HECW1: variants seen among roughly 807,000 people sequenced by gnomAD.
The protein encoded by HECW1 is E3 ubiquitin-protein ligase HECW1.
Under a neutral mutation model 182.3 loss-of-function variants are expected in HECW1, and 61 were observed. The observed-to-expected ratio is 0.33, with a 90% CI of 0.27 to 0.41. The LOEUF (loss-of-function observed/expected upper bound fraction) is 0.41, where lower values mean the gene tolerates loss of function less well. HECW1 is among the 10% of genes least tolerant of loss of function. The pLI, the probability that HECW1 is intolerant of heterozygous loss-of-function variation, is 1.00. For missense variants in HECW1, 1,739 were observed against 2,108.9 expected, an observed-to-expected ratio of 0.82 and a Z score of 3.44; for synonymous variants, 859 against 832.6, an observed-to-expected ratio of 1.03 and a Z score of -0.55.
At chr7:43,214,960 T>A (rs1029481) in intron 2 of HECW1, among the ~76,000 whole-genome samples, 111,756 of 152,212 alleles carry the variant, frequency 0.73, 41,301 homozygotes, top group East Asian at 0.89. Flanking sequence ...CCCAGGACCC[T>A]GGCCAGGAAG....
chr7:43,134,747 A>T (rs1411607015), intron 2 of HECW1, among the ~76,000 whole-genome samples: 4 of 152,084 alleles, frequency 2.6e-5, no homozygotes, highest in Non-Finnish European at 5.9e-5. Flanking sequence ...TTTAATAAAT[A>T]ATGTTTTGTC....
Position 43,555,235 on chromosome 7 carries a change from A to G in HECW1, c.4709+445A>G, listed in dbSNP as rs142102837. ...TGTGGTGTGTCGGATTTTTCCTATC[A>G]AGTTTTAGAACATGTGGGGATACAT... On this transcript the variant is annotated intron_variant, in intron 29 of 29. Transcript: ENST00000395891. 3.3e-5 allele frequency among the ~76,000 whole-genome samples: 5 copies of G among 152,302 alleles called. No individual in the cohort carries two copies. The East Asian group carries it at 9.6e-4, about 29-fold the overall frequency.
intron 2 of HECW1, among the ~76,000 whole-genome samples, chr7:43,114,730 C>CTTTT (rs5883857): frequency 6.6e-6 from 1 of 151,188 alleles, no homozygotes. Context: ...TGACAGTTCT[C>CTTTT]TTTTTTTTTG....
chr7:43,199,422 A>C (rs1794832052), intron 2 of HECW1, among the ~76,000 whole-genome samples: 1 of 152,240 alleles, frequency 6.6e-6, no homozygotes, highest in Non-Finnish European at 1.5e-5. Context: ...TATAAAATAC[A>C]TGTAAAGCTT....
intron 2 of HECW1, among the ~76,000 whole-genome samples, chr7:43,183,835 TC>T (rs2152678307): frequency 6.6e-6 from 1 of 152,320 alleles, no homozygotes; most frequent in East Asian, 1.9e-4. Context: ...ATAGAATTTT[TC>T]TGAATACTGG....
intron 4 of HECW1, among the ~76,000 whole-genome samples, chr7:43,318,578 T>TC (rs1809637689): frequency 6.6e-6 from 1 of 152,214 alleles, no homozygotes; most frequent in Non-Finnish European, 1.5e-5. Context: ...CATTTAGTGC[T>TC]CCCCTGTAAG....
At chr7:43,552,468 A>G in intron 28 of HECW1, 132 bp downstream of exon 28, 1 of 664,952 alleles carries the variant, frequency 1.5e-6, no homozygotes, top group Non-Finnish European at 2.8e-6. Flanking sequence ...GGCATTTAGT[A>G]CATTCACAGT....
In HECW1 at chr7:43,243,932, G is replaced by T; in HGVS notation, c.27G>T (p.Lys9Asn). The T allele has an allele frequency of 2.5e-6, 4 of 1,607,886 alleles. No individual in the cohort carries two copies. The highest frequency in any genetic ancestry group is 3.4e-6 in the Non-Finnish European group (4 of 1,174,424). The change falls in exon 3 of 30, where the codon AAG becomes AAT. Residue 9 changes from lysine (K) to asparagine (N), a missense_variant and splice_region_variant. Lys to Asn is a moderately conservative substitution (Grantham distance 94). This residue lies in a region of HECW1 where 279 missense variants were observed against 353.1 expected (regional missense o/e 0.79). Transcript: ENST00000395891. The surrounding 1 kb of genome is among the most constrained non-coding windows in gnomAD (Gnocchi z 4.0). Reference sequence around the variant, plus strand: ...TGCTGCTGCACCTGTGTAGTGTGAAGGTCAGTGTGCTTTTCTGATTATAAG... The same window carrying T: ...TGCTGCTGCACCTGTGTAGTGTGAATGTCAGTGTGCTTTTCTGATTATAAG... MLLHLCSV[K>N]NLYQNRFLGL...
intron 26 of HECW1, 81 bp from the exon 27 acceptor site, chr7:43,550,364 G>A (rs902316777): frequency 5.6e-5 from 85 of 1,505,992 alleles, no homozygotes; most frequent in Middle Eastern, 3.4e-4. Context: ...TTGGCATACG[G>A]TCATCCCCCT....
chr7:43,242,391 C>T (rs1798971639), intron 2 of HECW1, among the ~76,000 whole-genome samples: 1 of 152,050 alleles, frequency 6.6e-6, no homozygotes, highest in Non-Finnish European at 1.5e-5. Context: ...GAACTCAGTG[C>T]TTGGTTGGAC....
intron 5 of HECW1, among the ~76,000 whole-genome samples, chr7:43,335,908 TA>T (rs1481103026): frequency 2.7e-5 from 3 of 112,034 alleles, no homozygotes; most frequent in African/African-American, 1.1e-4. Flanking sequence ...TTTCTGTCTT[TA>T]TCTCTTTCTC....
At chr7:43,235,846 G>A (rs1007583246) in intron 2 of HECW1, among the ~76,000 whole-genome samples, 1 of 152,072 alleles carries the variant, frequency 6.6e-6, no homozygotes, top group Admixed American at 6.5e-5. Context: ...CAGCTCTCTG[G>A]ATTCTAGATG....
intron 7 of HECW1, among the ~76,000 whole-genome samples, chr7:43,397,155 A>G (rs1238276737): frequency 2.0e-5 from 3 of 152,226 alleles, no homozygotes; most frequent in African/African-American, 7.2e-5. Flanking sequence ...CCCCAGGTCC[A>G]TGTAGCAGTA....
intron 29 of HECW1, among the ~76,000 whole-genome samples, chr7:43,555,701 G>A (rs1020872459): frequency 3.3e-5 from 5 of 152,284 alleles, no homozygotes; most frequent in East Asian, 1.9e-4. Flanking sequence ...ACCTGGTGTC[G>A]GTCAGCATTC....
At position 43,402,148 on chromosome 7, in the gene HECW1, T is replaced by G. The variant is rs115094807; in HGVS notation, c.631+5259T>G. Among the ~76,000 whole-genome samples the G allele has an allele frequency of 5.1e-3, 775 of 152,166 alleles. 6 individuals carry two copies. Among genetic ancestry groups the G allele is most frequent in the African/African-American group, 0.018 (739 of 41,524 alleles). ...ACCCCTGCATTCACCATCCTTCAGG[T>G]CGGTGTGTGATCTGATTCTTCCTGG... On this transcript the variant is annotated intron_variant, in intron 7 of 29. Coordinates refer to ENST00000395891, the MANE Select transcript of HECW1 (RefSeq NM_015052.5).
chr7:43,440,302 T>C (rs933053113), intron 9 of HECW1: 3 of 152,508 alleles, frequency 2.0e-5, no homozygotes, highest in Non-Finnish European at 4.4e-5. Flanking sequence ...TGCCCTGAGA[T>C]ATTTGCACCT....
Position 43,113,996 on chromosome 7 carries a change from C to A in HECW1, c.-266-161C>A, listed in dbSNP as rs534335531. The A allele has an allele frequency of 1.1e-4, 35 of 332,592 alleles. No individual in the cohort carries two copies. In the East Asian group the frequency reaches 1.8e-3, roughly 17 times the overall value. 20.6% of individuals were successfully genotyped at this position (332,592 alleles called of 1,614,324 possible). A position where few individuals can be genotyped will look rare whatever the true frequency, so the allele number is the denominator to read the frequency against. Reference sequence around the variant, plus strand: ...CGGCTTCCTGTGGTTCCGGGCACAGCGCGCCTCAGTCTGCATTGGGCTGAC... The same window carrying A: ...CGGCTTCCTGTGGTTCCGGGCACAGAGCGCCTCAGTCTGCATTGGGCTGAC... On this transcript the variant is annotated intron_variant, in intron 1 of 29. Transcript: ENST00000395891.
intron 3 of HECW1, among the ~76,000 whole-genome samples, chr7:43,278,427 C>T (rs1347912482): frequency 6.6e-6 from 1 of 152,148 alleles, no homozygotes; most frequent in Non-Finnish European, 1.5e-5. Context: ...GGCAGCTCCC[C>T]CATCACTGCA....
At chr7:43,143,907 T>G (rs1788432132) in intron 2 of HECW1, among the ~76,000 whole-genome samples, 1 of 152,204 alleles carries the variant, frequency 6.6e-6, no homozygotes, top group Non-Finnish European at 1.5e-5. Context: ...GGAGTATAAC[T>G]CATAACCTTC....
Sources: gnomAD v4.1 joint callset for allele counts (sites outside exome capture counted in the v4.1 genomes callset) on GRCh38, gnomAD v4.1.1 for gene constraint, gnomAD v4.1.1 regional missense constraint, Gnocchi (gnomAD v3.1) non-coding constraint, MANE v1.5 for transcripts, NCBI Gene and HGNC (gene_info 2026-07-23, HGNC 2026-07-21) for gene names.